KCNH1: variants seen among roughly 807,000 people sequenced by gnomAD.
KCNH1 encodes the protein potassium voltage-gated channel subfamily H member 1.
KCNH1 carries 27 observed loss-of-function variants against 69.2 expected under a neutral mutation model. The observed-to-expected ratio is 0.39, with a 90% CI of 0.29 to 0.54. The LOEUF (loss-of-function observed/expected upper bound fraction) is 0.54. KCNH1 is among the 20% of genes least tolerant of loss of function. The probability of loss-of-function intolerance (pLI) is 0.68; values close to 1 mark genes in which losing one functional copy is unlikely to be tolerated. For missense variants in KCNH1, 798 were observed against 1,261.6 expected (o/e 0.63, Z 5.57); for synonymous variants, 456 against 487.7 (o/e 0.93, Z 0.86).
rs190076281 is a variant in KCNH1, at chr1:210,980,134, A to G, written c.1032+38649T>C. On this transcript the variant is annotated intron_variant, in intron 6 of 10. Transcript: ENST00000271751. ...ATTTACCCTTGAAATGGCTTCCTTCATGGTTGGCAAACTGTAGTCCAAGCT... is the reference window on the plus strand; with the variant it reads ...ATTTACCCTTGAAATGGCTTCCTTCGTGGTTGGCAAACTGTAGTCCAAGCT... Among the ~76,000 whole-genome samples, 7 of 152,162 alleles carry G rather than the reference A, an allele frequency of 4.6e-5. No homozygotes were observed. In the East Asian group the frequency reaches 1.4e-3, roughly 29 times the overall value.
rs192243583 is a variant in KCNH1 at position 210,832,708 on chromosome 1, T to C, written c.1463-28542A>G. On this transcript the variant is annotated intron_variant, in intron 7 of 10. Coordinates refer to ENST00000271751, the MANE Select transcript of KCNH1 (RefSeq NM_172362.3). ...TGACATCAATCAAAGTCAGAGAAAG[T>C]TAAATTCTTTATACTTGACAGAGCA... 4.8e-3 allele frequency among the ~76,000 whole-genome samples: 723 copies of C among 152,096 alleles called. 8 individuals are homozygous for C. Among genetic ancestry groups the C allele is most frequent in the Non-Finnish European group, 6.4e-3 (435 of 67,954 alleles).
rs188968891 is a variant in KCNH1, at chr1:210,808,538, C to T, written c.1463-4372G>A. On this transcript the variant is annotated intron_variant, in intron 7 of 10. Transcript: ENST00000271751. ...GGTGGATAATTATTGTCTCAATGCC[C>T]CTTCCTTAATTTTTTTTCCTTTTTC... Among the ~76,000 whole-genome samples the T allele has an allele frequency of 2.7e-3, 404 of 151,956 alleles. 2 individuals carry two copies. Among genetic ancestry groups the T allele is most frequent in the African/African-American group, 9.5e-3 (393 of 41,452 alleles).
intron 6 of KCNH1, among the ~76,000 whole-genome samples, chr1:210,933,517 A>G (rs1687718958): frequency 8.2e-6 from 1 of 121,602 alleles, no homozygotes; most frequent in African/African-American, 2.8e-5. Context: ...GTATAATAAT[A>G]ATAAAATTTA....
At chr1:211,034,801 G>C (rs1259625005) in intron 5 of KCNH1, among the ~76,000 whole-genome samples, 1 of 152,138 alleles carries the variant, frequency 6.6e-6, no homozygotes, top group Non-Finnish European at 1.5e-5. Context: ...TGGGTGATAA[G>C]ACTATTCAGC....
chr1:210,871,615 C>A (rs192780763), intron 7 of KCNH1, among the ~76,000 whole-genome samples: 1 of 151,862 alleles, frequency 6.6e-6, no homozygotes, highest in African/African-American at 2.4e-5. Flanking sequence ...ATGTTTATTG[C>A]GGCATTATTC....
chr1:210,736,781 G>GAGCC (rs1682890626), intron 10 of KCNH1, among the ~76,000 whole-genome samples: 2 of 152,130 alleles, frequency 1.3e-5, no homozygotes, highest in Non-Finnish European at 2.9e-5. Context: ...AATGGTTCTG[G>GAGCC]AGCCGTTCTG....
intron 2 of KCNH1, among the ~76,000 whole-genome samples, chr1:211,105,112 G>A (rs1009023217): frequency 1.3e-5 from 2 of 152,148 alleles, no homozygotes; most frequent in African/African-American, 2.4e-5. Flanking sequence ...TTGTCCTTAC[G>A]CACTCATGTA....
At chr1:210,843,838 TCTTTATCTGTACCTCACATACAA>T (rs1236704084) in intron 7 of KCNH1, among the ~76,000 whole-genome samples, 4 of 152,218 alleles carry the variant, frequency 2.6e-5, no homozygotes, top group African/African-American at 9.6e-5. Flanking sequence ...AGATGACTTG[TCTTTATCTGTACCTCACATACAA>T]CTCTGCTTCA....
chr1:210,890,672 T>C (rs1331606057), intron 7 of KCNH1, among the ~76,000 whole-genome samples: 1 of 151,640 alleles, frequency 6.6e-6, no homozygotes, highest in Non-Finnish European at 1.5e-5. Flanking sequence ...ACCCAGGATC[T>C]ACAAGGAACT....
chr1:210,955,259 G>A (rs1299614129), intron 6 of KCNH1, among the ~76,000 whole-genome samples: 1 of 152,124 alleles, frequency 6.6e-6, no homozygotes, highest in Non-Finnish European at 1.5e-5. Context: ...CTATTAGTCT[G>A]TATATCTGCT....
At chr1:211,125,771 A>G (rs891745402) in intron 1 of KCNH1, among the ~76,000 whole-genome samples, 3 of 152,214 alleles carry the variant, frequency 2.0e-5, no homozygotes, top group Non-Finnish European at 4.4e-5. Flanking sequence ...AGGCTATGGG[A>G]AATGATGGTT....
intron 6 of KCNH1, among the ~76,000 whole-genome samples, chr1:210,962,943 T>C (rs1159165366): frequency 6.6e-6 from 1 of 151,222 alleles, no homozygotes; most frequent in Non-Finnish European, 1.5e-5. Flanking sequence ...ATGTTGGTAG[T>C]CATTTGTGCT....
At chr1:210,992,379 C>A (rs1688953266) in intron 6 of KCNH1, among the ~76,000 whole-genome samples, 1 of 152,150 alleles carries the variant, frequency 6.6e-6, no homozygotes. Flanking sequence ...GCAGACCTAG[C>A]TCAAAATCCT....
intron 7 of KCNH1, among the ~76,000 whole-genome samples, chr1:210,868,284 A>G (rs574844398): frequency 6.6e-5 from 10 of 152,090 alleles, no homozygotes; most frequent in African/African-American, 2.4e-4. Flanking sequence ...TGCCTATTTA[A>G]AAAATTTATT....
chr1:211,038,411 T>A (rs1002974256), intron 5 of KCNH1, among the ~76,000 whole-genome samples: 1 of 152,082 alleles, frequency 6.6e-6, no homozygotes, highest in Non-Finnish European at 1.5e-5. Flanking sequence ...ACTAATACAG[T>A]AAATTGGTAC....
At chr1:210,978,157 G>C (rs993876654) in intron 6 of KCNH1, among the ~76,000 whole-genome samples, 1 of 151,364 alleles carries the variant, frequency 6.6e-6, no homozygotes, top group Non-Finnish European at 1.5e-5. Flanking sequence ...CCCTGTCTCA[G>C]CCTCCCGAGT....
rs527501549 is a variant in KCNH1, at chr1:210,750,575, C to T, written c.2112+24773G>A. Among the ~76,000 whole-genome samples the T allele has an allele frequency of 2.0e-5, 3 of 152,276 alleles. No homozygotes were observed. The South Asian group carries it at 6.2e-4, about 32-fold the overall frequency. On this transcript the variant is annotated intron_variant, in intron 10 of 10. Transcript: ENST00000271751. ...ATCTTCAGTTTCATAAGCCAAGTCA[C>T]AGGAAGGAATCTTGGTCTTCTAATT...
chr1:210,862,366 G>T lies in KCNH1; in HGVS notation c.1462+57274C>A, dbSNP rs141681337. Reference sequence around the variant, plus strand: ...TACTCACTGCACACATGGACCTGCCGCAGCGGCAACTGGCGCAAAAGGGCA... The same window carrying T: ...TACTCACTGCACACATGGACCTGCCTCAGCGGCAACTGGCGCAAAAGGGCA... On this transcript the variant is annotated intron_variant, in intron 7 of 10. Transcript: ENST00000271751. 3 of 651,100 alleles carry T rather than the reference G, an allele frequency of 4.6e-6. No homozygotes were observed. The East Asian group carries it at 8.9e-5, about 19-fold the overall frequency. The allele number at this position is 651,100 out of a possible 1,614,324, so 40.3% of individuals were successfully genotyped here.
Position 211,041,692 on chromosome 1 carries a change from C to T in KCNH1, c.559-22436G>A, listed in dbSNP as rs1382868923. Among the ~76,000 whole-genome samples the T allele has an allele frequency of 2.0e-5, 3 of 152,134 alleles. No homozygotes were observed. In the East Asian group the frequency reaches 5.8e-4, roughly 29 times the overall value. ...TCTTGCTGTGACCTACAATCCCCTG[C>T]CTATCTTTCCTACCTAATCTGAACC... On this transcript the variant is annotated intron_variant, in intron 5 of 10. Transcript: ENST00000271751.
Sources: gnomAD v4.1 joint callset for allele counts (sites outside exome capture counted in the v4.1 genomes callset) on GRCh38, gnomAD v4.1.1 for gene constraint, MANE v1.5 for transcripts, NCBI Gene and HGNC (gene_info 2026-07-23, HGNC 2026-07-21) for gene names.